Variants in NXPE2 observed in about 807,000 individuals in gnomAD.
The protein encoded by NXPE2 is NXPE family member 2.
In NXPE2, 34 loss-of-function variants were observed where a neutral mutation model predicts 34.4. That is an observed-to-expected ratio of 0.99 (90% CI 0.75 to 1.31). The LOEUF is 1.31. Among genes scored for constraint, NXPE2 ranks in the 40% most tolerant of loss-of-function variants. The pLI is 0.00. For synonymous variants in NXPE2, 235 were observed against 231.3 expected (o/e 1.02, Z -0.15); for missense variants, 649 against 672.5 (o/e 0.97, Z 0.39).
At position 114,705,917 on chromosome 11, in the gene NXPE2, C is replaced by T; in HGVS notation, c.1065C>T (p.Cys355=). The change falls in exon 5 of 6, where the codon TGC becomes TGT. Residue 355 remains cysteine (C), a synonymous_variant. Transcript: ENST00000389586. ...ATGAAACAAAAAATATAAATGACTGCTTGGAAAGAAAACTTATTTATCTCA... is the reference window on the plus strand; with the variant it reads ...ATGAAACAAAAAATATAAATGACTGTTTGGAAAGAAAACTTATTTATCTCA... The part of the protein sequence containing the change: ...KFNETKNIND[C]LERKLIYLMG... 6.5e-7 allele frequency: 1 copy of T among 1,540,904 alleles called. No individual in the cohort carries two copies.
the NXPE2 span, among the ~76,000 whole-genome samples, chr11:114,552,623 T>G: frequency 6.6e-6 from 1 of 152,134 alleles, no homozygotes; most frequent in African/African-American, 2.4e-5. Context: ...TGACCCCTCC[T>G]GCCCCCGAGA....
the NXPE2 span, among the ~76,000 whole-genome samples, chr11:114,609,911 C>A: frequency 1.3e-5 from 2 of 151,518 alleles, no homozygotes; most frequent in African/African-American, 4.8e-5. Context: ...TGGGTAACTA[C>A]CATTAACCGG....
At chr11:114,466,483 A>T in the NXPE2 span, among the ~76,000 whole-genome samples, 1 of 152,122 alleles carries the variant, frequency 6.6e-6, no homozygotes, top group African/African-American at 2.4e-5. Flanking sequence ...ATATTTAAAA[A>T]TAATTTTTGG....
At chr11:114,766,897 T>C in the NXPE2 span, among the ~76,000 whole-genome samples, 4 of 152,188 alleles carry the variant, frequency 2.6e-5, no homozygotes, top group African/African-American at 9.6e-5. Flanking sequence ...AGGAGTTGAT[T>C]AGTTGATTTC....
At chr11:114,627,991 C>T in the NXPE2 span, among the ~76,000 whole-genome samples, 1 of 151,674 alleles carries the variant, frequency 6.6e-6, no homozygotes, top group Non-Finnish European at 1.5e-5. Flanking sequence ...ATATATGGAC[C>T]CAACACAGGA....
At chr11:114,464,651 A>C in the NXPE2 span, among the ~76,000 whole-genome samples, 1 of 152,202 alleles carries the variant, frequency 6.6e-6, no homozygotes, top group African/African-American at 2.4e-5. Context: ...GATAGGAATG[A>C]ATTTAAAAAG....
Position 114,686,237 on chromosome 11 carries a change from C to A in NXPE2, c.132+6475C>A, listed in dbSNP as rs188056309. Among the ~76,000 whole-genome samples, 4 of 152,028 alleles carry A rather than the reference C, an allele frequency of 2.6e-5. No homozygotes were observed. The East Asian group carries it at 7.7e-4, about 29-fold the overall frequency. On this transcript the variant is annotated intron_variant, in intron 2 of 5. Transcript: ENST00000389586. ...CCATTGCCCAGTAGTGAACATAGTA[C>A]CCAATAGGTAGTTTTTCAATCCTTG... is the stretch of plus-strand genomic sequence containing the variant.
At chr11:114,557,663 AT>A in the NXPE2 span, among the ~76,000 whole-genome samples, 15 of 102,752 alleles carry the variant, frequency 1.5e-4, no homozygotes, top group Middle Eastern at 4.8e-3. Flanking sequence ...ATATATATAT[AT>A]ATATATATAA....
At chr11:114,711,050 T>C (rs190515498), downstream of NXPE2, among the ~76,000 whole-genome samples, 2 of 152,240 alleles carry the variant, frequency 1.3e-5, no homozygotes, top group East Asian at 3.9e-4. Context: ...CATCCTTTCA[T>C]GATAAAAACA....
chr11:114,637,724 G>A, the NXPE2 span, among the ~76,000 whole-genome samples: 1 of 151,146 alleles, frequency 6.6e-6, no homozygotes, highest in East Asian at 1.9e-4. Context: ...CACTTATGAA[G>A]CTTAGTTTGG....
At chr11:114,794,628 A>C in the NXPE2 span, among the ~76,000 whole-genome samples, 3 of 152,196 alleles carry the variant, frequency 2.0e-5, no homozygotes, top group Non-Finnish European at 2.9e-5. Flanking sequence ...GGACCACAGT[A>C]AAGGCTGTGC....
chr11:114,683,602 G>C (rs2135535949), intron 2 of NXPE2, among the ~76,000 whole-genome samples: 1 of 152,100 alleles, frequency 6.6e-6, no homozygotes, highest in East Asian at 1.9e-4. Context: ...TGCATTTTTA[G>C]TAGACATGGG....
chr11:114,686,774 AC>A (rs1445182133), intron 2 of NXPE2, among the ~76,000 whole-genome samples: 12 of 152,070 alleles, frequency 7.9e-5, no homozygotes, highest in African/African-American at 2.7e-4. Flanking sequence ...AACACTGCCA[AC>A]ATCTGTTATT....
chr11:114,548,323 C>T, the NXPE2 span, among the ~76,000 whole-genome samples: 4 of 151,878 alleles, frequency 2.6e-5, no homozygotes, highest in Admixed American at 6.6e-5. Context: ...AAAGACAGAT[C>T]GTGTAGATAT....
At chr11:114,572,624 C>T in the NXPE2 span, among the ~76,000 whole-genome samples, 1 of 152,168 alleles carries the variant, frequency 6.6e-6, no homozygotes, top group Non-Finnish European at 1.5e-5. Context: ...AACCTCAGAG[C>T]TAGAAGACAA....
At chr11:114,679,538 T>C in intron 1 of NXPE2, 119 bp from the exon 2 acceptor site, 1 of 559,718 alleles carries the variant, frequency 1.8e-6, no homozygotes, top group South Asian at 3.2e-5. Context: ...AAGGAACTTT[T>C]GGAAAACCCA....
the NXPE2 span, among the ~76,000 whole-genome samples, chr11:114,636,450 G>C: frequency 1.3e-5 from 2 of 152,032 alleles, no homozygotes; most frequent in East Asian, 1.9e-4. Context: ...GGTTTTTTGT[G>C]TCTCTATTTC....
At chr11:114,763,732 A>C in the NXPE2 span, among the ~76,000 whole-genome samples, 48 of 152,360 alleles carry the variant, frequency 3.2e-4, no homozygotes, top group African/African-American at 1.2e-3. Flanking sequence ...GGAGGAGTTG[A>C]CCATGCTACT....
At chr11:114,663,686 C>CTATT in the NXPE2 span, among the ~76,000 whole-genome samples, 1 of 146,260 alleles carries the variant, frequency 6.8e-6, no homozygotes, top group Non-Finnish European at 1.5e-5. Context: ...ATTTATCTAT[C>CTATT]TATCTATCTA....
Sources: gnomAD v4.1 joint callset for allele counts (sites outside exome capture counted in the v4.1 genomes callset) on GRCh38, gnomAD v4.1.1 for gene constraint, MANE v1.5 for transcripts, NCBI Gene and HGNC (gene_info 2026-07-23, HGNC 2026-07-21) for gene names.